The following CLIP1 variants were observed in gnomAD, a reference collection of about 807,000 sequenced individuals.
The protein encoded by CLIP1 is CAP-Gly domain containing linker protein 1, also known as CAP-Gly domain-containing linker protein 1.
CLIP1 carries 66 observed loss-of-function variants against 161.6 expected under a neutral mutation model. The observed-to-expected ratio is 0.41, with a 90% CI of 0.33 to 0.50. The LOEUF (loss-of-function observed/expected upper bound fraction) is 0.50, where lower values mean the gene tolerates loss of function less well. Ranked by LOEUF, CLIP1 falls within the 20% of genes least tolerant of loss-of-function variation. The probability of loss-of-function intolerance (pLI) is 0.27; values close to 1 mark genes in which losing one functional copy is unlikely to be tolerated. For missense variants in CLIP1, 1,376 were observed against 1,702.0 expected, an observed-to-expected ratio of 0.81 and a Z score of 3.37; for synonymous variants, 598 against 626.2, an observed-to-expected ratio of 0.96 and a Z score of 0.67.
rs148156183 is a variant in CLIP1, at chr12:122,421,444, C to T, written c.-107+1077G>A. On this transcript the variant is annotated intron_variant, in intron 1 of 25. Coordinates refer to ENST00000620786, the MANE Select transcript of CLIP1 (RefSeq NM_001247997.2). Reference sequence around the variant, plus strand: ...ATAATAAGAACAGCCAGAATCATAACCCTAATGACAGCAGTGGCCACAGCA... The same window carrying T: ...ATAATAAGAACAGCCAGAATCATAATCCTAATGACAGCAGTGGCCACAGCA... Among the ~76,000 whole-genome samples the T allele has an allele frequency of 3.6e-3, 542 of 152,178 alleles. 4 individuals carry two copies. The highest frequency in any genetic ancestry group is 0.013 in the African/African-American group (525 of 41,518).
chr12:122,400,725 G>A (rs1281123487), intron 1 of CLIP1: 3 of 152,040 alleles, frequency 2.0e-5, no homozygotes, highest in Admixed American at 2.0e-4. Context: ...CGCATCCAAC[G>A]AATCTAAAAA....
intron 1 of CLIP1, among the ~76,000 whole-genome samples, chr12:122,393,652 C>A (rs1232288798): frequency 6.6e-6 from 1 of 152,090 alleles, no homozygotes; most frequent in African/African-American, 2.4e-5. Flanking sequence ...TGGCTCCCAC[C>A]TGTAATCCCA....
intron 25 of CLIP1, 115 bp downstream of exon 25, chr12:122,273,923 G>A: frequency 1.3e-6 from 1 of 775,264 alleles, no homozygotes; most frequent in South Asian, 1.6e-5. Flanking sequence ...GTAGAGACGA[G>A]GTTTCATCGT....
At chr12:122,297,254 G>T (rs1449718551) in intron 20 of CLIP1, among the ~76,000 whole-genome samples, 1 of 152,134 alleles carries the variant, frequency 6.6e-6, no homozygotes, top group African/African-American at 2.4e-5. Flanking sequence ...AAAAATAGTA[G>T]CTCGGGTGAA....
intron 20 of CLIP1, among the ~76,000 whole-genome samples, chr12:122,298,882 G>C (rs1410807775): frequency 6.6e-6 from 1 of 151,934 alleles, no homozygotes; most frequent in Non-Finnish European, 1.5e-5. Flanking sequence ...GTGAACCCAG[G>C]AGACGGAGGT....
chr12:122,333,635 T>C (rs1312487662), intron 14 of CLIP1, among the ~76,000 whole-genome samples: 1 of 152,094 alleles, frequency 6.6e-6, no homozygotes, highest in Non-Finnish European at 1.5e-5. Flanking sequence ...TGGATGACCT[T>C]GAGGAGAGGA....
At position 122,340,870 on chromosome 12, in the gene CLIP1, T is replaced by C. The variant is rs1469161291; in HGVS notation, c.2334A>G (p.Ala778=). Residue 778 remains alanine, a synonymous_variant, in exon 11 of 26, where the codon GCA becomes GCG. Transcript: ENST00000620786. ...ATEEKLLDLD[A]LRKASSEGKS... is the part of the protein sequence containing the mutation. ...TACCTTCGGAACTGGCTTTCCGAAG[T>C]GCATCAAGATCCAAGAGCTTTTCTT... 2 of 1,614,208 alleles carry C rather than the reference T, an allele frequency of 1.2e-6. No homozygotes were observed.
At chr12:122,383,362 A>T (rs925541399) in intron 1 of CLIP1, among the ~76,000 whole-genome samples, 2 of 152,256 alleles carry the variant, frequency 1.3e-5, no homozygotes, top group Non-Finnish European at 2.9e-5. Context: ...AAGACCTAAC[A>T]AGGGAACTTT....
At chr12:122,374,198 G>A (rs1031039151) in intron 3 of CLIP1, among the ~76,000 whole-genome samples, 6 of 151,328 alleles carry the variant, frequency 4.0e-5, no homozygotes, top group African/African-American at 9.7e-5. Flanking sequence ...TAGGCTGGGC[G>A]TGGTAGCTCA....
chr12:122,276,503 G>A (rs1400270963), intron 24 of CLIP1: 1 of 1,287,150 alleles, frequency 7.8e-7, no homozygotes, highest in Non-Finnish European at 1.0e-6. Flanking sequence ...AGAAAGGAAG[G>A]GGGAAGAGAA....
intron 20 of CLIP1, among the ~76,000 whole-genome samples, chr12:122,299,612 C>CAAAAGAAAAAAAA (rs1950600975): frequency 1.6e-5 from 1 of 62,500 alleles, no homozygotes; most frequent in Non-Finnish European, 2.9e-5. Context: ...ATAAATTCAG[C>CAAAAGAAAAAAAA]AAAAAAAAAA....
intron 15 of CLIP1, among the ~76,000 whole-genome samples, chr12:122,330,597 G>GTTTTTTTTTATTTTTT (rs1951901515): frequency 9.9e-6 from 1 of 101,404 alleles, no homozygotes; most frequent in African/African-American, 4.4e-5. Flanking sequence ...GTATAATGCA[G>GTTTTTTTTTATTTTTT]TTTTTTTTTT....
intron 8 of CLIP1, 96 bp from the exon 9 acceptor site, chr12:122,351,239 A>G (rs1308205029): frequency 4.4e-5 from 34 of 765,862 alleles, no homozygotes; most frequent in Non-Finnish European, 6.5e-5. Context: ...ACTTTATTTG[A>G]TTAATTTCAA....
intron 15 of CLIP1, among the ~76,000 whole-genome samples, chr12:122,329,522 C>G (rs916175604): frequency 1.3e-5 from 2 of 151,630 alleles, no homozygotes; most frequent in Non-Finnish European, 2.9e-5. Flanking sequence ...CCCAGCTACT[C>G]TGGAGGCTGA....
intron 24 of CLIP1, 87 bp downstream of exon 24, chr12:122,278,067 G>A: frequency 8.6e-7 from 1 of 1,159,372 alleles, no homozygotes; most frequent in Non-Finnish European, 1.3e-6. Context: ...TGATACAAAA[G>A]GCATCAAATG....
intron 2 of CLIP1, 99 bp from the exon 3 acceptor site, chr12:122,378,059 C>T (rs1593199646): frequency 2.0e-6 from 2 of 1,023,034 alleles, no homozygotes; most frequent in South Asian, 1.6e-5. Flanking sequence ...ACAGGAGTAG[C>T]CCAGAACTCT....
At position 122,332,005 on chromosome 12, in the gene CLIP1, A is replaced by T. The variant is rs919081059; in HGVS notation, c.2867+982T>A. Among the ~76,000 whole-genome samples the T allele has an allele frequency of 2.6e-5, 4 of 151,044 alleles. No individual in the cohort carries two copies. In the South Asian group the frequency reaches 6.3e-4, roughly 24 times the overall value. On this transcript the variant is annotated intron_variant, in intron 15 of 25. Coordinates refer to ENST00000620786, the MANE Select transcript of CLIP1 (RefSeq NM_001247997.2). ...ATGAGACTCTATCTCAAAAAAAAAT[A>T]GTTAAAAATATTTTTAAAGGTTGGG...
At chr12:122,338,028 A>C (rs868283756) in intron 11 of CLIP1, among the ~76,000 whole-genome samples, 2 of 149,872 alleles carry the variant, frequency 1.3e-5, no homozygotes, top group East Asian at 2.0e-4. Context: ...AAAAAAAAAA[A>C]CAAAACCAAA....
intron 3 of CLIP1, among the ~76,000 whole-genome samples, chr12:122,365,911 A>G (rs1281603119): frequency 1.3e-5 from 2 of 152,128 alleles, no homozygotes; most frequent in East Asian, 1.9e-4. Flanking sequence ...CAGGAAGCTG[A>G]GGTGGGAGGA....
Sources: gnomAD v4.1 joint callset for allele counts (sites outside exome capture counted in the v4.1 genomes callset) on GRCh38, gnomAD v4.1.1 for gene constraint, MANE v1.5 for transcripts, NCBI Gene and HGNC (gene_info 2026-07-23, HGNC 2026-07-21) for gene names.